Variants in COL4A1 observed in about 807,000 individuals in gnomAD.
The protein encoded by COL4A1 is collagen alpha-1(IV) chain.
A neutral mutation model predicts 216.6 loss-of-function variants in COL4A1; 40 were observed. That is an observed-to-expected ratio of 0.18 (90% CI 0.14 to 0.24). The LOEUF is 0.24. Among genes scored for constraint, COL4A1 ranks in the 10% least tolerant of loss-of-function variants. The pLI is 1.00. For missense variants in COL4A1, 1,628 were observed against 2,196.8 expected (o/e 0.74, Z 5.18); for synonymous variants, 839 against 810.7 (o/e 1.03, Z -0.59).
chr13:110,173,020 G>T lies in COL4A1; in HGVS notation c.3506-250C>A, dbSNP rs1877716923. Among the ~76,000 whole-genome samples, 6 of 152,282 alleles carry T rather than the reference G, an allele frequency of 3.9e-5. No homozygotes were observed. In the South Asian group the frequency reaches 8.3e-4, roughly 21 times the overall value. On this transcript the variant is annotated intron_variant, in intron 40 of 51. Coordinates refer to ENST00000375820, the MANE Select transcript of COL4A1 (RefSeq NM_001845.6). Reference sequence around the variant, plus strand: ...AACCACCACGGCATTTAGCACAAATGATCTGTGCAAATGAGTATTTGTTTC... The same window carrying T: ...AACCACCACGGCATTTAGCACAAATTATCTGTGCAAATGAGTATTTGTTTC...
chr13:110,266,931 G>A lies in COL4A1; in HGVS notation c.85-24197C>T, dbSNP rs542067803. Among the ~76,000 whole-genome samples, 8 of 152,018 alleles carry A rather than the reference G, an allele frequency of 5.3e-5. No homozygotes were observed. The East Asian group carries it at 9.7e-4, about 18-fold the overall frequency. On this transcript the variant is annotated intron_variant, in intron 1 of 51. Coordinates refer to ENST00000375820, the MANE Select transcript of COL4A1 (RefSeq NM_001845.6). Reference sequence around the variant, plus strand: ...TTTTCTAGAAATTTAATTTTTAATCGAAAAAATGTTTAATCAGGGTAATGA... The same window carrying A: ...TTTTCTAGAAATTTAATTTTTAATCAAAAAAATGTTTAATCAGGGTAATGA...
chr13:110,242,146 T>G (rs1881596857), intron 2 of COL4A1, among the ~76,000 whole-genome samples: 1 of 152,340 alleles, frequency 6.6e-6, no homozygotes, highest in Middle Eastern at 3.4e-3. Context: ...CCCTGGTTCT[T>G]AAATGAAAGG....
chr13:110,176,941 A>G lies in COL4A1; in HGVS notation c.2813T>C (p.Met938Thr), dbSNP rs1340520979. 3 of 1,614,018 alleles carry G rather than the reference A, an allele frequency of 1.9e-6. No individual in the cohort carries two copies. The Admixed American group carries it at 5.0e-5, about 27-fold the overall frequency. Residue 938 changes from methionine to threonine, a missense_variant, in exon 34 of 52, where the codon ATG becomes ACG. Physicochemically the swap from Met to Thr is moderately conservative, Grantham distance 81 (BLOSUM62 -1). This residue lies in a region of COL4A1 where 701 missense variants were observed against 892.5 expected (regional missense o/e 0.79). Coordinates refer to ENST00000375820, the MANE Select transcript of COL4A1 (RefSeq NM_001845.6). ...DVGLPGKPGS[M>T]DKVDMGSMKG... The stretch of plus-strand genomic sequence containing the variant: ...CATGCTGCCCATGTCCACCTTATCC[A>G]TGGAGCCAGGCTTGCCAGGGAGACC...
chr13:110,198,593 G>A lies in COL4A1; in HGVS notation c.1159C>T (p.Pro387Ser). Residue 387 changes from proline (P) to serine (S), a missense_variant, in exon 21 of 52, where the codon CCT becomes TCT. By Grantham distance (74) the Pro-to-Ser change is moderately conservative. This residue lies in a region of COL4A1 where 701 missense variants were observed against 892.5 expected (regional missense o/e 0.79). Coordinates refer to ENST00000375820, the MANE Select transcript of COL4A1 (RefSeq NM_001845.6). ...VPGQAGAPGF[P>S]GERGEKGDRG... ...TCACCTTTTTCTCCTCTTTCACCAG[G>A]GAAGCCAGGGGCACCAGCCTGCCCA... 1 of 1,613,956 alleles carries A rather than the reference G, an allele frequency of 6.2e-7. No homozygotes were observed. Among genetic ancestry groups the A allele is most frequent in the Non-Finnish European group, 8.5e-7 (1 of 1,180,016 alleles).
rs1180820885 is a variant in COL4A1, at chr13:110,176,810, T to G, written c.2869+75A>C. 1.5e-5 allele frequency: 25 copies of G among 1,613,998 alleles called. 2 individuals carry two copies. In the Admixed American group the frequency reaches 3.8e-4, roughly 25 times the overall value. On this transcript the variant is annotated intron_variant, in intron 34 of 51. Coordinates refer to ENST00000375820, the MANE Select transcript of COL4A1 (RefSeq NM_001845.6). ...AAACGCAGGTTGGTTTGGTTATTAT[T>G]TATGGAGGACCCGATAACCCAGGAA... is the stretch of plus-strand genomic sequence containing the variant.
intron 1 of COL4A1, among the ~76,000 whole-genome samples, chr13:110,304,139 AT>A (rs1361275030): frequency 6.6e-6 from 1 of 152,094 alleles, no homozygotes; most frequent in Non-Finnish European, 1.5e-5. Flanking sequence ...CCCTAGTCCA[AT>A]TCCATCTATT....
At position 110,150,050 on chromosome 13, in the gene COL4A1, A is replaced by G; in HGVS notation, c.*313T>C. On this transcript the variant is annotated 3_prime_UTR_variant, in exon 52 of 52. Coordinates refer to ENST00000375820, the MANE Select transcript of COL4A1 (RefSeq NM_001845.6). Reference sequence around the variant, plus strand: ...AGTATGGAAGGCACCCACACCTCCTAGCACCCTTTGGTTTTCTGATGGAGT... The same window carrying G: ...AGTATGGAAGGCACCCACACCTCCTGGCACCCTTTGGTTTTCTGATGGAGT... The G allele has an allele frequency of 4.8e-6, 2 of 413,926 alleles. No individual in the cohort carries two copies. The highest frequency in any genetic ancestry group is 3.5e-5 in the Admixed American group (1 of 28,290). 25.6% of individuals were successfully genotyped at this position (413,926 alleles called of 1,614,324 possible).
intron 2 of COL4A1, among the ~76,000 whole-genome samples, chr13:110,237,838 C>A (rs1881390938): frequency 6.6e-6 from 1 of 152,198 alleles, no homozygotes; most frequent in East Asian, 1.9e-4. Flanking sequence ...CGCTAAATGG[C>A]TGGTAAAGCT....
intron 23 of COL4A1, among the ~76,000 whole-genome samples, 179 bp from the exon 24 acceptor site, chr13:110,192,463 C>T (rs1012014673): frequency 3.3e-5 from 5 of 152,108 alleles, no homozygotes; most frequent in Non-Finnish European, 5.9e-5. Context: ...ATAGGTGACC[C>T]GACGCACATG....
chr13:110,290,900 G>C (rs984093073), intron 1 of COL4A1, among the ~76,000 whole-genome samples: 1 of 152,224 alleles, frequency 6.6e-6, no homozygotes, highest in Non-Finnish European at 1.5e-5. Flanking sequence ...TTTGCCTTCA[G>C]TGGCCAGTGA....
intron 2 of COL4A1, among the ~76,000 whole-genome samples, chr13:110,219,043 A>G (rs1880241634): frequency 6.6e-6 from 1 of 152,166 alleles, no homozygotes; most frequent in African/African-American, 2.4e-5. Flanking sequence ...CCATTTCCTG[A>G]ATGCCGCCGC....
At chr13:110,170,129 G>GGAAA (rs1491108170) in intron 42 of COL4A1, among the ~76,000 whole-genome samples, 110 of 21,882 alleles carry the variant, frequency 5.0e-3, no homozygotes, top group Admixed American at 0.013. Flanking sequence ...AAGGAAGGAA[G>GGAAA]GAAGGAAGGA....
At chr13:110,305,775 C>T (rs1456992549) in intron 1 of COL4A1, 2 of 152,150 alleles carry the variant, frequency 1.3e-5, no homozygotes, top group Non-Finnish European at 2.9e-5. Flanking sequence ...AATTAGGAGA[C>T]GTGTGTGTAT....
chr13:110,250,776 C>A (rs916135994), intron 1 of COL4A1, among the ~76,000 whole-genome samples: 3 of 152,210 alleles, frequency 2.0e-5, no homozygotes, highest in Non-Finnish European at 2.9e-5. Flanking sequence ...TTGTGAGTCA[C>A]TGGCCTGACG....
chr13:110,247,790 CGTGTGTGTGTGTGTGTGTGTGTGT>C (rs56086913), intron 1 of COL4A1, among the ~76,000 whole-genome samples: 19 of 57,756 alleles, frequency 3.3e-4, no homozygotes, highest in Admixed American at 9.6e-4. Context: ...CTATGCTACT[CGTGTGTGTGTGTGTGTGTGTGTGT>C]GTGTGTGTGT....
Position 110,273,630 on chromosome 13 carries a change from A to G in COL4A1, c.85-30896T>C, listed in dbSNP as rs145046595. 1.1e-4 allele frequency among the ~76,000 whole-genome samples: 16 copies of G among 152,334 alleles called. No homozygotes were observed. The East Asian group carries it at 3.1e-3, about 29-fold the overall frequency. On this transcript the variant is annotated intron_variant, in intron 1 of 51. Coordinates refer to ENST00000375820, the MANE Select transcript of COL4A1 (RefSeq NM_001845.6). The stretch of plus-strand genomic sequence containing the variant: ...GTTTATGGCAACTGAATAATAAAGA[A>G]CTAAACACCTAGAATTTTTCTTCTT...
At chr13:110,239,053 T>C (rs1881445552) in intron 2 of COL4A1, among the ~76,000 whole-genome samples, 1 of 152,120 alleles carries the variant, frequency 6.6e-6, no homozygotes, top group African/African-American at 2.4e-5. Context: ...CATCTGAAGA[T>C]ATGAGTGGCC....
intron 49 of COL4A1, among the ~76,000 whole-genome samples, chr13:110,157,825 G>A (rs1381358940): frequency 6.6e-6 from 1 of 152,152 alleles, no homozygotes; most frequent in Non-Finnish European, 1.5e-5. Context: ...TCAAAGACCA[G>A]GGGTGTTTTA....
intron 36 of COL4A1, 109 bp downstream of exon 36, chr13:110,176,314 AC>A: frequency 2.6e-6 from 2 of 780,328 alleles, no homozygotes; most frequent in Non-Finnish European, 4.6e-6. Context: ...TGAAAGACAC[AC>A]GTGCCTGGAT....
Sources: allele counts gnomAD v4.1 joint callset (sites outside exome capture counted in the v4.1 genomes callset), GRCh38; gene constraint gnomAD v4.1.1; regional missense constraint gnomAD v4.1.1; transcripts MANE v1.5; gene names NCBI Gene and HGNC (gene_info 2026-07-23, HGNC 2026-07-21).